CLSTN2: variants seen among roughly 807,000 people sequenced by gnomAD.
CLSTN2 encodes the protein calsyntenin-2.
In CLSTN2, 48 loss-of-function variants were observed where a neutral mutation model predicts 101.2. The ratio of observed to expected loss-of-function variants is 0.47; its 90% CI spans 0.38 to 0.60. The LOEUF (loss-of-function observed/expected upper bound fraction) is 0.60, where lower values mean the gene tolerates loss of function less well. Among genes scored for constraint, CLSTN2 ranks in the 20% least tolerant of loss-of-function variants. The probability of loss-of-function intolerance (pLI) is 0.00; values close to 1 mark genes in which losing one functional copy is unlikely to be tolerated. For missense variants in CLSTN2, 1,160 were observed against 1,238.2 expected (o/e 0.94, Z 0.95); for synonymous variants, 481 against 463.6 (o/e 1.04, Z -0.48).
chr3:139,991,537 G>A (rs945523622), intron 1 of CLSTN2, among the ~76,000 whole-genome samples: 1 of 152,184 alleles, frequency 6.6e-6, no homozygotes, highest in Admixed American at 6.5e-5. Flanking sequence ...GTCCCAAGAA[G>A]ACATAGAGTG....
chr3:140,071,836 T>A (rs1456820638), intron 1 of CLSTN2, among the ~76,000 whole-genome samples: 1 of 87,582 alleles, frequency 1.1e-5, no homozygotes, highest in Non-Finnish European at 2.6e-5. Context: ...GTCTAAAAAA[T>A]AAATAAATAA....
At chr3:139,991,054 A>G (rs1936106178) in intron 1 of CLSTN2, among the ~76,000 whole-genome samples, 1 of 152,250 alleles carries the variant, frequency 6.6e-6, no homozygotes, top group African/African-American at 2.4e-5. Flanking sequence ...ACATAGCTAT[A>G]GCAGAAATCA....
intron 2 of CLSTN2, among the ~76,000 whole-genome samples, chr3:140,207,580 G>A (rs1247273185): frequency 1.3e-5 from 2 of 152,168 alleles, no homozygotes; most frequent in African/African-American, 2.4e-5. Flanking sequence ...CAAAACACCT[G>A]TGAGGATTTA....
At chr3:140,295,598 GT>G (rs531229418) in intron 2 of CLSTN2, among the ~76,000 whole-genome samples, 2 of 151,908 alleles carry the variant, frequency 1.3e-5, no homozygotes, top group African/African-American at 2.4e-5. Flanking sequence ...ACTGCCCCAA[GT>G]TTTTTTTATT....
At chr3:140,213,414 T>C (rs1047382942) in intron 2 of CLSTN2, among the ~76,000 whole-genome samples, 1 of 152,204 alleles carries the variant, frequency 6.6e-6, no homozygotes, top group Non-Finnish European at 1.5e-5. Flanking sequence ...ACAGGTTGCA[T>C]AGGGCATAAT....
At chr3:140,049,522 G>A (rs180709139) in intron 1 of CLSTN2, among the ~76,000 whole-genome samples, 4 of 152,230 alleles carry the variant, frequency 2.6e-5, no homozygotes, top group Admixed American at 6.5e-5. Context: ...TCCCTGAGGG[G>A]GGACTATTAC....
At chr3:140,091,949 ATGTT>A (rs571445523) in intron 1 of CLSTN2, among the ~76,000 whole-genome samples, 1 of 152,120 alleles carries the variant, frequency 6.6e-6, no homozygotes, top group South Asian at 2.1e-4. Flanking sequence ...TGCTCAGTAA[ATGTT>A]TGTTGAATAA....
chr3:140,024,092 ACTT>A (rs1404181378), intron 1 of CLSTN2, among the ~76,000 whole-genome samples: 5 of 152,206 alleles, frequency 3.3e-5, no homozygotes, highest in Middle Eastern at 3.2e-3. Flanking sequence ...GGTCTCAGTT[ACTT>A]CTTCTGCAAA....
chr3:140,485,184 C>G (rs1249384008), intron 8 of CLSTN2, among the ~76,000 whole-genome samples: 2 of 152,196 alleles, frequency 1.3e-5, no homozygotes, highest in Non-Finnish European at 2.9e-5. Flanking sequence ...AGTGAGGACC[C>G]TCAGCCACAG....
chr3:140,374,965 A>AT (rs758338602), intron 2 of CLSTN2, among the ~76,000 whole-genome samples: 3 of 152,242 alleles, frequency 2.0e-5, no homozygotes, highest in Non-Finnish European at 2.9e-5. Context: ...ATTTTGCAGA[A>AT]TTTAAGACTC....
intron 1 of CLSTN2, among the ~76,000 whole-genome samples, chr3:139,959,941 C>T (rs1219991003): frequency 1.3e-5 from 2 of 152,258 alleles, no homozygotes; most frequent in Admixed American, 1.3e-4. Context: ...AGCTTATTCT[C>T]CTGTGTTTTC....
In CLSTN2 at chr3:140,334,903, C is replaced by T. The variant is rs71314548; in HGVS notation, c.233-68726C>T. ...ATCAACCTTATATTTACCCCCAGAA[C>T]CTCAGGAATGTGCGGTCATCGTTAC... On this transcript the variant is annotated intron_variant, in intron 2 of 16. Coordinates refer to ENST00000458420, the MANE Select transcript of CLSTN2 (RefSeq NM_022131.3). Among the ~76,000 whole-genome samples, 179 of 152,298 alleles carry T rather than the reference C, an allele frequency of 1.2e-3. 1 individual carries two copies. The highest frequency in any genetic ancestry group is 0.01 in the Middle Eastern group (3 of 294).
intron 1 of CLSTN2, among the ~76,000 whole-genome samples, chr3:140,135,976 T>A (rs1388870567): frequency 6.6e-6 from 1 of 152,210 alleles, no homozygotes; most frequent in Non-Finnish European, 1.5e-5. Flanking sequence ...TCATTATTTA[T>A]CTTGGACTTA....
Position 140,043,210 on chromosome 3 carries a change from G to A in CLSTN2, c.109+107727G>A, listed in dbSNP as rs565585102. 2.1e-3 allele frequency among the ~76,000 whole-genome samples: 318 copies of A among 152,040 alleles called. 2 individuals are homozygous for A. Among genetic ancestry groups the A allele is most frequent in the African/African-American group, 7.1e-3 (294 of 41,488 alleles). On this transcript the variant is annotated intron_variant, in intron 1 of 16. Transcript: ENST00000458420. ...GTTGTTTCCTGACTTTTTAATGATC[G>A]CCATTCTAACTGGTGTGAGATGGTA...
chr3:139,935,388 G>T lies in CLSTN2; in HGVS notation c.14G>T (p.Arg5Leu). MLPG[R>L]LCWVPLLLAL... ...GCTGCTGCGAGGATGCTGCCTGGGC[G>T]GCTGTGCTGGGTGCCGCTCCTGCTG... is the stretch of plus-strand genomic sequence containing the variant. The change falls in exon 1 of 17, where the codon CGG (arginine) becomes CTG (leucine). Residue 5 changes from arginine to leucine, a missense_variant. By Grantham distance (102) the Arg-to-Leu change is moderately radical. Transcript: ENST00000458420. This position sits in a 1 kb window ranked among gnomAD's most constrained non-coding sequence, Gnocchi z 5.5. The T allele has an allele frequency of 1.6e-6, 2 of 1,229,882 alleles. No homozygotes were observed. Among genetic ancestry groups the T allele is most frequent in the Non-Finnish European group, 2.0e-6 (2 of 986,436 alleles). The allele number at this position is 1,229,882 out of a possible 1,614,324, so 76.2% of individuals were successfully genotyped here.
At chr3:140,208,258 A>G (rs779036227) in intron 2 of CLSTN2, among the ~76,000 whole-genome samples, 36 of 152,178 alleles carry the variant, frequency 2.4e-4, no homozygotes, top group Non-Finnish European at 3.4e-4. Context: ...CTTTATTGAA[A>G]TTTGTTTTGA....
At chr3:139,990,891 T>C (rs980311577) in intron 1 of CLSTN2, among the ~76,000 whole-genome samples, 47 of 152,250 alleles carry the variant, frequency 3.1e-4, no homozygotes, top group African/African-American at 1.0e-3. Flanking sequence ...CATTTTTATA[T>C]TAATTGTTAT....
intron 2 of CLSTN2, among the ~76,000 whole-genome samples, chr3:140,226,390 G>T (rs1297110994): frequency 6.6e-6 from 1 of 152,202 alleles, no homozygotes; most frequent in Non-Finnish European, 1.5e-5. Flanking sequence ...AGACACATAG[G>T]ATTTCTCTGT....
chr3:140,168,243 A>T (rs58840683), intron 1 of CLSTN2, among the ~76,000 whole-genome samples: 280 of 152,244 alleles, frequency 1.8e-3, no homozygotes, highest in African/African-American at 6.6e-3. Context: ...GTGATATCCC[A>T]TTGTGGCTTC....
Sources: allele counts gnomAD v4.1 joint callset (sites outside exome capture counted in the v4.1 genomes callset), GRCh38; gene constraint gnomAD v4.1.1; non-coding constraint Gnocchi (gnomAD v3.1); transcripts MANE v1.5; gene names NCBI Gene and HGNC (gene_info 2026-07-23, HGNC 2026-07-21).